LSM11: variants seen among roughly 807,000 people sequenced by gnomAD.
LSM11 encodes the protein LSM11, U7 small nuclear RNA associated.
A neutral mutation model predicts 28.1 loss-of-function variants in LSM11; 14 were observed. That is an observed-to-expected ratio of 0.50 (90% CI 0.33 to 0.78). The LOEUF (loss-of-function observed/expected upper bound fraction) is 0.78, where lower values mean the gene tolerates loss of function less well. Among genes scored for constraint, LSM11 ranks in the 30% least tolerant of loss-of-function variants. The pLI is 0.02. For missense variants in LSM11, 495 were observed against 510.6 expected (o/e 0.97, Z 0.30); for synonymous variants, 207 against 214.2 (o/e 0.97, Z 0.30).
intron 1 of LSM11, among the ~76,000 whole-genome samples, chr5:157,747,262 T>A (rs1455509781): frequency 1.3e-5 from 2 of 152,248 alleles, no homozygotes; most frequent in Non-Finnish European, 2.9e-5. Context: ...TATCTGTCAC[T>A]GTGAAATGAA....
At chr5:157,751,638 T>G in intron 2 of LSM11, 109 bp downstream of exon 2, 1 of 1,237,230 alleles carries the variant, frequency 8.1e-7, no homozygotes, top group South Asian at 1.5e-5. Flanking sequence ...AAATAACTTC[T>G]TAGAAGAACT....
chr5:157,753,872 G>C (rs978851777), intron 2 of LSM11, 132 bp from the exon 3 acceptor site: 4 of 484,428 alleles, frequency 8.3e-6, no homozygotes, highest in African/African-American at 2.0e-5. Context: ...CTGCCTAGGA[G>C]CTGAGTCATC....
intron 2 of LSM11, among the ~76,000 whole-genome samples, chr5:157,753,417 A>G (rs1761273191): frequency 1.3e-5 from 2 of 152,004 alleles, no homozygotes; most frequent in African/African-American, 4.8e-5. Context: ...TTTCAAAGGA[A>G]TTTGTCTTGT....
rs1313471958 is a variant in LSM11, at chr5:157,755,191, A to T, written c.1010A>T (p.Gln337Leu). The change falls in exon 4 of 4, where the codon CAG becomes CTG. Residue 337 changes from glutamine to leucine, a missense_variant. Coordinates refer to ENST00000286307, the MANE Select transcript of LSM11 (RefSeq NM_173491.4). Reference sequence around the variant, plus strand: ...CGAAAGCCCAAAGTGGATTACCAGCAGGTATTCACTCGACACATAAATCAG... The same window carrying T: ...CGAAAGCCCAAAGTGGATTACCAGCTGGTATTCACTCGACACATAAATCAG... The part of the protein sequence containing the change: ...KKRKPKVDYQ[Q>L]VFTRHINQIF... 1 of 1,614,234 alleles carries T rather than the reference A, an allele frequency of 6.2e-7. No individual in the cohort carries two copies. The highest frequency in any genetic ancestry group is 1.1e-5 in the South Asian group (1 of 91,090).
At position 157,760,002 on chromosome 5, in the gene LSM11, G is replaced by A. The variant is rs1402086732; in HGVS notation, c.*4738G>A. The A allele has an allele frequency of 6.6e-6, 1 of 152,284 alleles. No homozygotes were observed. The highest frequency in any genetic ancestry group is 1.9e-4 in the East Asian group (1 of 5,194). The allele number at this position is 152,284 out of a possible 1,614,324, so 9.4% of individuals were successfully genotyped here. ...TCTGGATGGTTTGAAGATCTGCGGG[G>A]AAAAATAAGTGTGCACCTGAGACCT... On this transcript the variant is annotated 3_prime_UTR_variant, in exon 4 of 4. Coordinates refer to ENST00000286307, the MANE Select transcript of LSM11 (RefSeq NM_173491.4).
rs766853588 is a variant in LSM11 at position 157,755,006 on chromosome 5, C to T, written c.825C>T (p.His275=). The change falls in exon 4 of 4, where the codon CAC becomes CAT. Residue 275 remains histidine (H), a synonymous_variant. Coordinates refer to ENST00000286307, the MANE Select transcript of LSM11 (RefSeq NM_173491.4). ...WGRADTGRGS[H]KRSRSVPSSL... is the part of the protein sequence containing the mutation. ...GAGCAGACACTGGCCGGGGCTCACA[C>T]AAGCGTTCCCGCTCTGTCCCTTCTT... The T allele has an allele frequency of 6.8e-6, 11 of 1,614,036 alleles. No homozygotes were observed. Among genetic ancestry groups the T allele is most frequent in the Middle Eastern group, 1.6e-4 (1 of 6,084 alleles).
rs1485183655 is a variant in LSM11, at chr5:157,759,892, C to G, written c.*4628C>G. On this transcript the variant is annotated 3_prime_UTR_variant, in exon 4 of 4. Transcript: ENST00000286307. The stretch of plus-strand genomic sequence containing the variant: ...GAGGAAGGGTTGGGCCTCCTTTACT[C>G]TCAGTATTTTGAGTGTTTTTCAAAT... 2.6e-5 allele frequency: 4 copies of G among 152,252 alleles called. No homozygotes were observed. The highest frequency in any genetic ancestry group is 5.9e-5 in the Non-Finnish European group (4 of 68,032). 9.4% of individuals were successfully genotyped at this position (152,252 alleles called of 1,614,324 possible). A position where few individuals can be genotyped will look rare whatever the true frequency, so the allele number is the denominator to read the frequency against.
At chr5:157,744,337 C>T in intron 1 of LSM11, 139 bp downstream of exon 1, 2 of 572,964 alleles carry the variant, frequency 3.5e-6, no homozygotes, top group Non-Finnish European at 5.2e-6. Context: ...TTGCGGGGAT[C>T]ATCAGTGACT....
At chr5:157,744,269 G>A (rs997396096) in intron 1 of LSM11, 71 bp downstream of exon 1, 10 of 1,167,530 alleles carry the variant, frequency 8.6e-6, no homozygotes, top group Non-Finnish European at 1.1e-5. Flanking sequence ...GGGCGTCTGC[G>A]GGGCGGCGGT....
chr5:157,748,200 G>A (rs1306897113), intron 1 of LSM11, among the ~76,000 whole-genome samples: 1 of 152,184 alleles, frequency 6.6e-6, no homozygotes, highest in Non-Finnish European at 1.5e-5. Context: ...CTCATAAGGT[G>A]ACTGTTACAG....
In LSM11 at chr5:157,755,845, T is replaced by C. The variant is rs933258253; in HGVS notation, c.*581T>C. ...AGGGGTGAAATTTGGATAGGCGGTA[T>C]GCTCAAAGCAGCCAGCAATGAGTGC... On this transcript the variant is annotated 3_prime_UTR_variant, in exon 4 of 4. Transcript: ENST00000286307. The C allele has an allele frequency of 2.5e-6, 1 of 399,526 alleles. No individual in the cohort carries two copies. The highest frequency in any genetic ancestry group is 4.4e-6 in the Non-Finnish European group (1 of 227,174). 24.7% of individuals were successfully genotyped at this position (399,526 alleles called of 1,614,324 possible).
chr5:157,757,975 G>A lies in LSM11; in HGVS notation c.*2711G>A, dbSNP rs1467689497. The A allele has an allele frequency of 6.6e-6, 1 of 152,126 alleles. No individual in the cohort carries two copies. Among genetic ancestry groups the A allele is most frequent in the African/African-American group, 2.4e-5 (1 of 41,418 alleles). The allele number at this position is 152,126 out of a possible 1,614,324, so 9.4% of individuals were successfully genotyped here. ...TTAAACTGTGTATGATCTATTTTAT[G>A]TGCTCTATGTTCCCATTTGTTTGTT... On this transcript the variant is annotated 3_prime_UTR_variant, in exon 4 of 4. Transcript: ENST00000286307.
intron 3 of LSM11, among the ~76,000 whole-genome samples, chr5:157,754,590 G>T (rs1243721832): frequency 6.6e-6 from 1 of 151,436 alleles, no homozygotes; most frequent in Non-Finnish European, 1.5e-5. Context: ...TACTTGGGAG[G>T]CTGAGGCAGG....
At chr5:157,749,872 A>G (rs1409450842) in intron 1 of LSM11, among the ~76,000 whole-genome samples, 4 of 152,224 alleles carry the variant, frequency 2.6e-5, no homozygotes, top group African/African-American at 9.6e-5. Flanking sequence ...CAGAGGGATA[A>G]GGTGGCTTCA....
Position 157,757,850 on chromosome 5 carries a change from A to T in LSM11, c.*2586A>T, listed in dbSNP as rs1003467210. The T allele has an allele frequency of 6.6e-6, 1 of 152,204 alleles. No individual in the cohort carries two copies. Among genetic ancestry groups the T allele is most frequent in the African/African-American group, 2.4e-5 (1 of 41,448 alleles). 9.4% of individuals were successfully genotyped at this position (152,204 alleles called of 1,614,324 possible). A position where few individuals can be genotyped will look rare whatever the true frequency, so the allele number is the denominator to read the frequency against. On this transcript the variant is annotated 3_prime_UTR_variant, in exon 4 of 4. Coordinates refer to ENST00000286307, the MANE Select transcript of LSM11 (RefSeq NM_173491.4). ...GTTAAATCTAACCTGACTTAAACATATGCCTGTTTTTATGTTTACCTATAA... is the reference window on the plus strand; with the variant it reads ...GTTAAATCTAACCTGACTTAAACATTTGCCTGTTTTTATGTTTACCTATAA...
chr5:157,754,176 T>C (rs1561621387), intron 3 of LSM11, 89 bp downstream of exon 3: 10 of 838,050 alleles, frequency 1.2e-5, no homozygotes, highest in Non-Finnish European at 1.8e-5. Context: ...TAGGATTTCC[T>C]AGAGGGAAAT....
rs1211806157 is a variant in LSM11 at position 157,755,346 on chromosome 5, C to G, written c.*82C>G. ...TGTATCCTAGTATCCCAGTGAAACT[C>G]TGAGTTGGAATGATTCCCTCTGGTC... On this transcript the variant is annotated 3_prime_UTR_variant, in exon 4 of 4. Transcript: ENST00000286307. 1.2e-5 allele frequency: 17 copies of G among 1,432,214 alleles called. No individual in the cohort carries two copies. Among genetic ancestry groups the G allele is most frequent in the Non-Finnish European group, 1.6e-5 (17 of 1,053,280 alleles). 88.7% of individuals were successfully genotyped at this position (1,432,214 alleles called of 1,614,324 possible).
At chr5:157,746,993 T>C (rs1471616385) in intron 1 of LSM11, among the ~76,000 whole-genome samples, 3 of 152,208 alleles carry the variant, frequency 2.0e-5, no homozygotes, top group African/African-American at 4.8e-5. Context: ...GGAAAGGTTT[T>C]TCGTCATCAT....
At chr5:157,746,908 CAAAAA>C (rs775268886) in intron 1 of LSM11, among the ~76,000 whole-genome samples, 1 of 150,580 alleles carries the variant, frequency 6.6e-6, no homozygotes, top group Non-Finnish European at 1.5e-5. Context: ...TACGAGGTCT[CAAAAA>C]AAAGTAATAA....
Sources: allele counts gnomAD v4.1 joint callset (sites outside exome capture counted in the v4.1 genomes callset), GRCh38; gene constraint gnomAD v4.1.1; transcripts MANE v1.5; gene names NCBI Gene and HGNC (gene_info 2026-07-23, HGNC 2026-07-21).